The following RNLS variants were observed in gnomAD, a reference collection of about 807,000 sequenced individuals.
RNLS encodes the protein renalase, FAD dependent amine oxidase, also known as renalase.
RNLS carries 39 observed loss-of-function variants against 39.8 expected under a neutral mutation model. The observed-to-expected ratio is 0.98, with a 90% CI of 0.76 to 1.28. RNLS has a LOEUF of 1.28. RNLS is among the 50% of genes most tolerant of loss of function. The pLI, the probability that RNLS is intolerant of heterozygous loss-of-function variation, is 0.00. For synonymous variants in RNLS, 147 were observed against 150.7 expected (o/e 0.98, Z 0.18); for missense variants, 410 against 413.3 (o/e 0.99, Z 0.07).
At chr10:88,213,157 T>A in the RNLS span, among the ~76,000 whole-genome samples, 1 of 152,168 alleles carries the variant, frequency 6.6e-6, no homozygotes, top group African/African-American at 2.4e-5. Flanking sequence ...AAAGTGATTT[T>A]TATGCTAACA....
At chr10:88,180,031 T>G in the RNLS span, among the ~76,000 whole-genome samples, 4 of 152,362 alleles carry the variant, frequency 2.6e-5, no homozygotes, top group South Asian at 8.3e-4. Flanking sequence ...AACAAAGTTG[T>G]ATACAGTATG....
At chr10:88,277,339 G>C (rs1406806838) in intron 6 of RNLS, among the ~76,000 whole-genome samples, 1 of 149,184 alleles carries the variant, frequency 6.7e-6, no homozygotes. Context: ...GAGGTGGGGG[G>C]TTGGGGGAGG....
the RNLS span, among the ~76,000 whole-genome samples, chr10:88,258,006 C>T: frequency 3.3e-5 from 5 of 152,156 alleles, no homozygotes; most frequent in Non-Finnish European, 5.9e-5. Context: ...CACACCCTTT[C>T]CCCCACAAGA....
intron 6 of RNLS, among the ~76,000 whole-genome samples, chr10:88,293,055 A>G (rs1843788403): frequency 6.6e-6 from 1 of 152,116 alleles, no homozygotes; most frequent in Non-Finnish European, 1.5e-5. Context: ...CTCAAAACAA[A>G]TAACAAGAAA....
At chr10:88,548,261 C>CAAAAAAA (rs869175046) in intron 4 of RNLS, among the ~76,000 whole-genome samples, 20 of 32,404 alleles carry the variant, frequency 6.2e-4, no homozygotes, top group Non-Finnish European at 6.9e-4. Flanking sequence ...GACTCCGTCT[C>CAAAAAAA]AAAAAAAAAA....
chr10:88,526,723 G>A (rs1372849483), intron 4 of RNLS, among the ~76,000 whole-genome samples: 1 of 151,204 alleles, frequency 6.6e-6, no homozygotes, highest in African/African-American at 2.4e-5. Flanking sequence ...CTGGAATCAC[G>A]CCACTGCACT....
intron 4 of RNLS, 110 bp downstream of exon 4, chr10:88,572,793 A>G (rs1849919680): frequency 1.8e-6 from 2 of 1,133,104 alleles, no homozygotes; most frequent in South Asian, 1.7e-5. Context: ...AAGACAGGCA[A>G]ATCAATAGAG....
intron 4 of RNLS, among the ~76,000 whole-genome samples, chr10:88,538,044 A>C (rs1414354681): frequency 2.6e-5 from 4 of 152,282 alleles, no homozygotes; most frequent in Non-Finnish European, 4.4e-5. Context: ...GCAGTGGAAA[A>C]ATATAATTAA....
In RNLS at chr10:88,345,819, T is replaced by C. The variant is rs145455947; in HGVS notation, c.700+16733A>G. On this transcript the variant is annotated intron_variant, in intron 5 of 6. Transcript: ENST00000331772. ...TTGAATCACATGAAAATGCTGATAT[T>C]GGACCATTTTTAATCTATAAAGACA... Among the ~76,000 whole-genome samples, 643 of 152,280 alleles carry C rather than the reference T, an allele frequency of 4.2e-3. 2 individuals are homozygous for C. The highest frequency in any genetic ancestry group is 0.013 in the African/African-American group (558 of 41,576).
At chr10:88,333,626 AT>A (rs111347787) in intron 5 of RNLS, among the ~76,000 whole-genome samples, 1 of 151,890 alleles carries the variant, frequency 6.6e-6, no homozygotes, top group Non-Finnish European at 1.5e-5. Context: ...TGGGAATTTC[AT>A]TTTTTTTCCA....
intron 5 of RNLS, chr10:88,343,589 G>C: frequency 1.0e-6 from 1 of 985,122 alleles, no homozygotes; most frequent in Non-Finnish European, 1.2e-6. Context: ...TTCTGTCCAG[G>C]GCTGGGATAA....
At chr10:88,505,111 A>C (rs533315121) in intron 4 of RNLS, among the ~76,000 whole-genome samples, 96 of 152,152 alleles carry the variant, frequency 6.3e-4, no homozygotes, top group African/African-American at 2.1e-3. Context: ...TCTAAATAAC[A>C]TTCCCTATTA....
At chr10:88,377,000 A>T (rs1267053277) in intron 4 of RNLS, among the ~76,000 whole-genome samples, 5 of 152,034 alleles carry the variant, frequency 3.3e-5, no homozygotes, top group Non-Finnish European at 7.4e-5. Context: ...CAAACCATTT[A>T]TTATAAATTA....
chr10:88,551,837 C>G (rs1183886830), intron 4 of RNLS, among the ~76,000 whole-genome samples: 1 of 152,072 alleles, frequency 6.6e-6, no homozygotes, highest in Non-Finnish European at 1.5e-5. Flanking sequence ...AGAATTGTTA[C>G]CAACCAGTAA....
chr10:88,310,824 A>AAAAAAAAAAAG (rs1217903555), intron 6 of RNLS, among the ~76,000 whole-genome samples: 3 of 113,472 alleles, frequency 2.6e-5, no homozygotes, highest in Non-Finnish European at 5.7e-5. Flanking sequence ...AAAAAAAAAA[A>AAAAAAAAAAAG]AAAGAAAGAA....
the RNLS span, among the ~76,000 whole-genome samples, chr10:88,190,249 A>T: frequency 6.6e-6 from 1 of 152,228 alleles, no homozygotes; most frequent in Admixed American, 6.5e-5. Flanking sequence ...TCATTCTTTC[A>T]ATCCCTCAGA....
intron 4 of RNLS, among the ~76,000 whole-genome samples, chr10:88,510,852 A>G (rs909121380): frequency 2.6e-5 from 4 of 151,102 alleles, no homozygotes; most frequent in Non-Finnish European, 5.9e-5. Flanking sequence ...GTTTCGAGAA[A>G]AAAAAAAAAG....
rs1843169413 is a variant in RNLS at position 88,285,017 on chromosome 10, A to G, written c.*337T>C. Reference sequence around the variant, plus strand: ...CAGAATTGAAATTTTCATAAGGATAATCAAGTTTTTGGCACACAAACTGTT... The same window carrying G: ...CAGAATTGAAATTTTCATAAGGATAGTCAAGTTTTTGGCACACAAACTGTT... On this transcript the variant is annotated 3_prime_UTR_variant, in exon 7 of 7. Coordinates refer to ENST00000331772, the MANE Select transcript of RNLS (RefSeq NM_001031709.3). The G allele has an allele frequency of 9.9e-7, 1 of 1,006,660 alleles. No homozygotes were observed. Among genetic ancestry groups the G allele is most frequent in the African/African-American group, 1.7e-5 (1 of 58,056 alleles). 62.4% of individuals were successfully genotyped at this position (1,006,660 alleles called of 1,614,324 possible).
downstream of RNLS, among the ~76,000 whole-genome samples, chr10:88,273,012 C>T (rs1842691018): frequency 6.6e-6 from 1 of 152,132 alleles, no homozygotes; most frequent in African/African-American, 2.4e-5. Flanking sequence ...ATGCTGTGGC[C>T]CAGCCAGGGT....
Sources: gnomAD v4.1 joint callset for allele counts (sites outside exome capture counted in the v4.1 genomes callset) on GRCh38, gnomAD v4.1.1 for gene constraint, MANE v1.5 for transcripts, NCBI Gene and HGNC (gene_info 2026-07-23, HGNC 2026-07-21) for gene names.